The following RABGAP1L variants were observed in gnomAD, a reference collection of about 807,000 sequenced individuals.
The protein encoded by RABGAP1L is rab GTPase-activating protein 1-like.
A neutral mutation model predicts 137.7 loss-of-function variants in RABGAP1L; 63 were observed. The ratio of observed to expected loss-of-function variants is 0.46; its 90% CI spans 0.37 to 0.56. The LOEUF is 0.56. RABGAP1L is among the 20% of genes least tolerant of loss of function. The probability of loss-of-function intolerance (pLI) is 0.00; values close to 1 mark genes in which losing one functional copy is unlikely to be tolerated. For synonymous variants in RABGAP1L, 431 were observed against 433.7 expected (o/e 0.99, Z 0.08); for missense variants, 1,095 against 1,244.0 (o/e 0.88, Z 1.80).
intron 13 of RABGAP1L, among the ~76,000 whole-genome samples, chr1:174,537,516 T>C (rs187974858): frequency 1.3e-5 from 2 of 152,294 alleles, no homozygotes; most frequent in East Asian, 3.9e-4. Context: ...TGGTCTGTAT[T>C]TTCCCATCCT....
chr1:174,938,016 C>T (rs1256664631), intron 19 of RABGAP1L, among the ~76,000 whole-genome samples: 2 of 151,892 alleles, frequency 1.3e-5, no homozygotes, highest in Non-Finnish European at 1.5e-5. Context: ...TGTCACATTT[C>T]AGGTTATTAA....
chr1:174,693,314 C>T (rs1203725825), intron 15 of RABGAP1L, among the ~76,000 whole-genome samples: 2 of 152,186 alleles, frequency 1.3e-5, no homozygotes, highest in Non-Finnish European at 2.9e-5. Context: ...GTCATACCAG[C>T]TTTTGACGGC....
chr1:174,392,971 G>T (rs1301864552), intron 12 of RABGAP1L, among the ~76,000 whole-genome samples: 1 of 152,182 alleles, frequency 6.6e-6, no homozygotes, highest in Non-Finnish European at 1.5e-5. Context: ...TATAGTTCCA[G>T]ATTCAAGCTA....
At chr1:174,161,219 GTATTATTATTAT>G (rs72031504) in intron 1 of RABGAP1L, among the ~76,000 whole-genome samples, 1,476 of 145,298 alleles carry the variant, frequency 0.01, 17 homozygotes, top group South Asian at 0.018. Context: ...GCTCTGATGT[GTATTATTATTAT>G]TATTATTATT....
rs551951479 is a variant in RABGAP1L at position 174,778,720 on chromosome 1, G to A, written c.2211+26366G>A. 9.9e-5 allele frequency among the ~76,000 whole-genome samples: 15 copies of A among 151,856 alleles called. 1 individual carries two copies. In the South Asian group the frequency reaches 2.9e-3, roughly 30 times the overall value. ...AGCGATTCTCCTGCCTCAGCCTCCC[G>A]AGTAGCTGGAATTACAGGTGCCTGC... is the stretch of plus-strand genomic sequence containing the variant. On this transcript the variant is annotated intron_variant, in intron 18 of 25. Coordinates refer to ENST00000681986, the MANE Select transcript of RABGAP1L (RefSeq NM_001366446.1).
rs905721492 is a variant in RABGAP1L, at chr1:174,189,226, C to G, written c.-34+29569C>G. On this transcript the variant is annotated intron_variant, in intron 1 of 25. Transcript: ENST00000681986. ...TTCACTGTGTTAGCCAGGATGGTCT[C>G]AACCTCCTGACTTTGTGATCCACCC... Among the ~76,000 whole-genome samples, 18 of 152,258 alleles carry G rather than the reference C, an allele frequency of 1.2e-4. 1 individual carries two copies. Among genetic ancestry groups the G allele is most frequent in the Admixed American group, 9.8e-4 (15 of 15,292 alleles).
chr1:174,364,500 C>T (rs939210569), intron 11 of RABGAP1L, among the ~76,000 whole-genome samples: 8 of 151,568 alleles, frequency 5.3e-5, no homozygotes, highest in Non-Finnish European at 7.4e-5. Context: ...GTGATCCACC[C>T]GCCTCGGCCT....
Position 174,990,189 on chromosome 1 carries a change from T to TGAATACCTATTTTCCA in RABGAP1L, c.*190_*205dup. On this transcript the variant is annotated 3_prime_UTR_variant, in exon 26 of 26. Transcript: ENST00000681986. ...CTATTTAAACTGACCTGTTCTATGTTGAATACCTATTTTCCAGCTTCTGGA... is the reference window on the plus strand; with the variant it reads ...CTATTTAAACTGACCTGTTCTATGTTGAATACCTATTTTCCAGAATACCTATTTTCCAGCTTCTGGA... The TGAATACCTATTTTCCA allele has an allele frequency of 4.8e-6, 3 of 628,252 alleles. No homozygotes were observed. In the South Asian group the frequency reaches 9.1e-5, roughly 19 times the overall value. 38.9% of individuals were successfully genotyped at this position (628,252 alleles called of 1,614,324 possible). A position where few individuals can be genotyped will look rare whatever the true frequency, so the allele number is the denominator to read the frequency against.
At chr1:174,531,025 A>C (rs1377675928) in intron 13 of RABGAP1L, among the ~76,000 whole-genome samples, 1 of 152,248 alleles carries the variant, frequency 6.6e-6, no homozygotes, top group African/African-American at 2.4e-5. Context: ...AGCAGTAAAA[A>C]GAACAGACTT....
At chr1:174,984,878 A>G (rs1671454056) in intron 24 of RABGAP1L, among the ~76,000 whole-genome samples, 1 of 152,240 alleles carries the variant, frequency 6.6e-6, no homozygotes, top group Admixed American at 6.5e-5. Context: ...GTGGATAGAA[A>G]TTAGTTAGAG....
In RABGAP1L at chr1:174,615,323, G is replaced by C. The variant is rs1203702455; in HGVS notation, c.1711-22052G>C. On this transcript the variant is annotated intron_variant, in intron 13 of 25. Coordinates refer to ENST00000681986, the MANE Select transcript of RABGAP1L (RefSeq NM_001366446.1). ...GGACCCTCAGCTGCAGGTCTTTTGG[G>C]GTTTGCTGGATGTCCACTCCAGACC... is the stretch of plus-strand genomic sequence containing the variant. Among the ~76,000 whole-genome samples, 5 of 152,138 alleles carry C rather than the reference G, an allele frequency of 3.3e-5. No homozygotes were observed. The East Asian group carries it at 9.6e-4, about 29-fold the overall frequency.
intron 13 of RABGAP1L, among the ~76,000 whole-genome samples, chr1:174,580,461 A>G (rs1037510039): frequency 3.9e-5 from 6 of 152,210 alleles, no homozygotes; most frequent in African/African-American, 9.6e-5. Context: ...ATAAAAAATG[A>G]TAAGTTCATG....
intron 5 of RABGAP1L, among the ~76,000 whole-genome samples, chr1:174,249,196 A>C (rs1672510380): frequency 6.6e-6 from 1 of 152,200 alleles, no homozygotes; most frequent in South Asian, 2.1e-4. Context: ...TACCAATAGA[A>C]TAGATAAGAA....
chr1:174,219,411 T>A, intron 2 of RABGAP1L, 116 bp downstream of exon 2: 9 of 722,874 alleles, frequency 1.2e-5, no homozygotes, highest in Non-Finnish European at 1.6e-5. Context: ...ATAAAATCAA[T>A]GTTTGATTTA....
At chr1:174,770,434 A>C (rs528291820) in intron 18 of RABGAP1L, among the ~76,000 whole-genome samples, 1 of 152,310 alleles carries the variant, frequency 6.6e-6, no homozygotes, top group Non-Finnish European at 1.5e-5. Flanking sequence ...CATATTATAT[A>C]ATACCTTAAA....
intron 19 of RABGAP1L, among the ~76,000 whole-genome samples, chr1:174,832,451 A>G (rs1340307162): frequency 2.0e-5 from 3 of 148,208 alleles, no homozygotes. Flanking sequence ...AAGGTGCACA[A>G]CTTAATTTTG....
At chr1:174,241,726 C>T in intron 5 of RABGAP1L, 69 bp downstream of exon 5, 1 of 1,222,130 alleles carries the variant, frequency 8.2e-7, no homozygotes. Context: ...GCTCTAATTT[C>T]ACTGTTGTAT....
rs895373898 is a variant in RABGAP1L, at chr1:174,833,777, A to G, written c.2340+21817A>G. On this transcript the variant is annotated intron_variant, in intron 19 of 25. Coordinates refer to ENST00000681986, the MANE Select transcript of RABGAP1L (RefSeq NM_001366446.1). ...GGATAATGGAAGGGACAGATAACAC[A>G]AAAATAATATAAAATCGCAAGTTGT... Among the ~76,000 whole-genome samples, 3 of 152,166 alleles carry G rather than the reference A, an allele frequency of 2.0e-5. No homozygotes were observed. The South Asian group carries it at 6.2e-4, about 32-fold the overall frequency.
chr1:174,955,955 T>C (rs1267063453), intron 19 of RABGAP1L, among the ~76,000 whole-genome samples: 2 of 152,178 alleles, frequency 1.3e-5, no homozygotes, highest in Non-Finnish European at 2.9e-5. Context: ...AAGGGAATTC[T>C]ATAACTTTGA....
Sources: gnomAD v4.1 joint callset for allele counts (sites outside exome capture counted in the v4.1 genomes callset) on GRCh38, gnomAD v4.1.1 for gene constraint, MANE v1.5 for transcripts, NCBI Gene and HGNC (gene_info 2026-07-23, HGNC 2026-07-21) for gene names.